The following KIF27 variants were observed in gnomAD, a reference collection of about 807,000 sequenced individuals.
KIF27 encodes kinesin-like protein KIF27.
KIF27 carries 84 observed loss-of-function variants against 141.8 expected under a neutral mutation model. That is an observed-to-expected ratio of 0.59 (90% CI 0.50 to 0.71). The LOEUF (loss-of-function observed/expected upper bound fraction) is 0.71, where lower values mean the gene tolerates loss of function less well. KIF27 is among the 30% of genes least tolerant of loss of function. KIF27 has a pLI of 0.00. For missense variants in KIF27, 1,306 were observed against 1,628.4 expected, an observed-to-expected ratio of 0.80 and a Z score of 3.41; for synonymous variants, 471 against 569.5, an observed-to-expected ratio of 0.83 and a Z score of 2.46.
chr9:83,900,916 G>T (rs577562177), intron 4 of KIF27, among the ~76,000 whole-genome samples: 104 of 151,066 alleles, frequency 6.9e-4, no homozygotes, highest in African/African-American at 2.3e-3. Flanking sequence ...CTAAAAAAAA[G>T]ATTTAAAAAG....
chr9:83,841,290 C>T (rs925708690), intron 17 of KIF27, among the ~76,000 whole-genome samples: 11 of 152,140 alleles, frequency 7.2e-5, no homozygotes, highest in Admixed American at 2.0e-4. Context: ...AGGTTGGTCT[C>T]GAACTCCTAA....
rs764652946 is a variant in KIF27 at position 83,867,880 on chromosome 9, A to G, written c.2758-20T>C. 2.6e-6 allele frequency: 4 copies of G among 1,558,472 alleles called. No homozygotes were observed. In the South Asian group the frequency reaches 3.7e-5, roughly 14 times the overall value. ...CAATTTCTACATTAAAATTAAAAAA[A>G]AAGTTACTTGTTTTTCCTTCTGCCA... On this transcript the variant is annotated intron_variant, in intron 12 of 17. Coordinates refer to ENST00000297814, the MANE Select transcript of KIF27 (RefSeq NM_017576.4).
chr9:83,904,803 A>G (rs1954327082), intron 3 of KIF27, among the ~76,000 whole-genome samples: 1 of 151,922 alleles, frequency 6.6e-6, no homozygotes, highest in Admixed American at 6.6e-5. Flanking sequence ...AGCCATCCTT[A>G]GCTTTTATGT....
rs544179803 is a variant in KIF27 at position 83,870,707 on chromosome 9, C to CTTT, written c.2644-78_2644-76dup. The CTTT allele has an allele frequency of 3.8e-4, 476 of 1,259,082 alleles. 5 individuals are homozygous for CTTT. The highest frequency in any genetic ancestry group is 9.2e-4 in the Middle Eastern group (3 of 3,276). The allele number at this position is 1,259,082 out of a possible 1,614,324, so 78.0% of individuals were successfully genotyped here. On this transcript the variant is annotated intron_variant, in intron 11 of 17. Coordinates refer to ENST00000297814, the MANE Select transcript of KIF27 (RefSeq NM_017576.4). ...TAAGTATGCTGATGACAATTATTTT[C>CTTT]TTTTTTTTTTTTTTTTTTTTGGAGA... is the stretch of plus-strand genomic sequence containing the variant.
chr9:83,837,534 T>C, intron 17 of KIF27, 49 bp from the exon 18 acceptor site: 3 of 1,518,396 alleles, frequency 2.0e-6, no homozygotes, highest in Non-Finnish European at 2.7e-6. Flanking sequence ...TCCTCAAAAT[T>C]AGGTATTTTA....
At chr9:83,895,163 G>A (rs1360641614) in intron 5 of KIF27, among the ~76,000 whole-genome samples, 3 of 150,740 alleles carry the variant, frequency 2.0e-5, no homozygotes, top group African/African-American at 7.3e-5. Flanking sequence ...TTGGGAGGCT[G>A]AGGCAGGAGA....
At chr9:83,906,505 C>T (rs1383373598) in intron 3 of KIF27, among the ~76,000 whole-genome samples, 6 of 151,968 alleles carry the variant, frequency 3.9e-5, no homozygotes, top group Non-Finnish European at 8.8e-5. Context: ...CTTTGGGAGG[C>T]CAAAGCAGGC....
At chr9:83,904,307 T>C (rs750274470) in intron 3 of KIF27, among the ~76,000 whole-genome samples, 6 of 152,230 alleles carry the variant, frequency 3.9e-5, no homozygotes, top group Non-Finnish European at 8.8e-5. Flanking sequence ...CTCAATTCCT[T>C]AAAATGACTG....
intron 14 of KIF27, among the ~76,000 whole-genome samples, chr9:83,856,729 G>C (rs1054904835): frequency 7.5e-6 from 1 of 132,502 alleles, no homozygotes; most frequent in African/African-American, 2.8e-5. Flanking sequence ...GACAGAGCAA[G>C]ACTCCGTCTC....
intron 17 of KIF27, among the ~76,000 whole-genome samples, chr9:83,838,061 T>G (rs1379481684): frequency 2.6e-5 from 4 of 152,116 alleles, no homozygotes; most frequent in Non-Finnish European, 5.9e-5. Flanking sequence ...CCACTGGAAT[T>G]AGAGTGAAGA....
intron 11 of KIF27, among the ~76,000 whole-genome samples, chr9:83,879,178 CA>C (rs576630144): frequency 6.2e-4 from 61 of 98,958 alleles, no homozygotes; most frequent in Admixed American, 1.0e-3. Flanking sequence ...AACTCCATCT[CA>C]AAAAAAAAAA....
Position 83,915,384 on chromosome 9 carries a change from A to C in KIF27, c.208T>G (p.Leu70Val), listed in dbSNP as rs1955586019. 1 of 1,613,844 alleles carries C rather than the reference A, an allele frequency of 6.2e-7. No homozygotes were observed. The highest frequency in any genetic ancestry group is 8.5e-7 in the Non-Finnish European group (1 of 1,179,814). ...GCATTATAGCCCTCAATGAGTGACAACACTAGGGGCTTTATACATGTGTTA... is the reference window on the plus strand; with the variant it reads ...GCATTATAGCCCTCAATGAGTGACACCACTAGGGGCTTTATACATGTGTTA... Reference protein sequence around the residue: ...VYNTCIKPLVLSLIEGYNATV... With the variant: ...VYNTCIKPLVVSLIEGYNATV... Residue 70 changes from leucine to valine, a missense_variant, in exon 2 of 18, where the codon TTG (leucine) becomes GTG (valine). Leu to Val is a conservative substitution (Grantham distance 32). Transcript: ENST00000297814.
intron 13 of KIF27, among the ~76,000 whole-genome samples, chr9:83,863,173 C>T (rs944791800): frequency 6.6e-6 from 1 of 152,134 alleles, no homozygotes; most frequent in Non-Finnish European, 1.5e-5. Flanking sequence ...TTATTTCTTT[C>T]TCCTGCCTGA....
At position 83,915,478 on chromosome 9, in the gene KIF27, G is replaced by T. The variant is rs766416311; in HGVS notation, c.114C>A (p.Ile38=). ...AAGTGAAGACTCTATCTCTCCCAAT[G>T]ATAACTTGCTGGCTGTTTGGAATAA... ...VRVIPNSQQV[I]IGRDRVFTFD... Residue 38 remains isoleucine (I), a synonymous_variant, in exon 2 of 18, where the codon ATC becomes ATA. Coordinates refer to ENST00000297814, the MANE Select transcript of KIF27 (RefSeq NM_017576.4). The T allele has an allele frequency of 2.9e-5, 46 of 1,613,866 alleles. No homozygotes were observed. Among genetic ancestry groups the T allele is most frequent in the Non-Finnish European group, 3.9e-5 (46 of 1,179,830 alleles).
rs1476150820 is a variant in KIF27, at chr9:83,853,820, A to G, written c.3166T>C (p.Phe1056Leu). The G allele has an allele frequency of 1.9e-6, 3 of 1,608,338 alleles. No individual in the cohort carries two copies. The South Asian group carries it at 3.3e-5, about 18-fold the overall frequency. Residue 1056 changes from phenylalanine (F) to leucine (L), a missense_variant, in exon 15 of 18, where the codon TTC becomes CTC. By Grantham distance (22) the Phe-to-Leu change is conservative (BLOSUM62 0). Coordinates refer to ENST00000297814, the MANE Select transcript of KIF27 (RefSeq NM_017576.4). ...GCTTCAATCCCTTCTTCAAGTTGGA[A>G]AAGAACATGTTCTTCCTAGATATAA... ...VLSPEEEHVL[F>L]QLEEGIEALE...
intron 11 of KIF27, among the ~76,000 whole-genome samples, chr9:83,877,069 C>T (rs1036588870): frequency 6.6e-6 from 1 of 151,894 alleles, no homozygotes; most frequent in African/African-American, 2.4e-5. Flanking sequence ...AGAGTGAGAC[C>T]CTGTCTCAAA....
rs556440063 is a variant in KIF27 at position 83,882,391 on chromosome 9, G to A, written c.2445+1422C>T. 5.9e-5 allele frequency among the ~76,000 whole-genome samples: 9 copies of A among 152,244 alleles called. 1 individual carries two copies. In the South Asian group the frequency reaches 1.9e-3, roughly 32 times the overall value. On this transcript the variant is annotated intron_variant, in intron 10 of 17. Transcript: ENST00000297814. ...AAAAAGTATGATATGTTAGAGAACT[G>A]AAAACCGGTATTGTCATCACCACTA...
intron 12 of KIF27, among the ~76,000 whole-genome samples, chr9:83,868,839 T>C (rs1950558588): frequency 6.6e-6 from 1 of 152,184 alleles, no homozygotes; most frequent in Non-Finnish European, 1.5e-5. Context: ...AATACCAATA[T>C]ATTAATAGTA....
chr9:83,859,642 CTG>C (rs1949663625), intron 13 of KIF27: 2 of 342,138 alleles, frequency 5.8e-6, no homozygotes, highest in South Asian at 7.2e-5. Flanking sequence ...AGCGATTCTC[CTG>C]CTTCAGCCTC....
Sources: gnomAD v4.1 joint callset for allele counts (sites outside exome capture counted in the v4.1 genomes callset) on GRCh38, gnomAD v4.1.1 for gene constraint, MANE v1.5 for transcripts, NCBI Gene and HGNC (gene_info 2026-07-23, HGNC 2026-07-21) for gene names.